Variants in LOXL3 observed in about 807,000 individuals in gnomAD.
LOXL3 encodes the protein lysyl oxidase like 3.
In LOXL3, 60 loss-of-function variants were observed where a neutral mutation model predicts 91.8. That is an observed-to-expected ratio of 0.65 (90% CI 0.53 to 0.81). The LOEUF (loss-of-function observed/expected upper bound fraction) is 0.81. LOXL3 is among the 30% of genes least tolerant of loss of function. The probability of loss-of-function intolerance (pLI) is 0.00; values close to 1 mark genes in which losing one functional copy is unlikely to be tolerated. For synonymous variants in LOXL3, 355 were observed against 387.6 expected (o/e 0.92, Z 0.99); for missense variants, 874 against 1,000.4 (o/e 0.87, Z 1.70).
At chr2:74,534,877 T>TTTTG (rs760334860) in intron 9 of LOXL3, 103 bp from the exon 10 acceptor site, 46 of 1,345,092 alleles carry the variant, frequency 3.4e-5, no homozygotes, top group East Asian at 9.3e-5. Context: ...TTGTTTTTGT[T>TTTTG]TTTGTTTGTT....
intron 4 of LOXL3, among the ~76,000 whole-genome samples, chr2:74,547,549 C>T (rs962609738): frequency 2.0e-5 from 3 of 151,980 alleles, no homozygotes; most frequent in African/African-American, 7.3e-5. Context: ...TTTGAGTGTC[C>T]AGGCCAGATA....
intron 1 of LOXL3, among the ~76,000 whole-genome samples, chr2:74,553,245 T>C (rs1199756800): frequency 6.6e-6 from 1 of 151,924 alleles, no homozygotes; most frequent in East Asian, 1.9e-4. Flanking sequence ...GGCCCTGGGA[T>C]CACAGATCCC....
intron 4 of LOXL3, among the ~76,000 whole-genome samples, chr2:74,539,222 G>A (rs527910069): frequency 3.5e-4 from 54 of 152,336 alleles, no homozygotes; most frequent in South Asian, 1.0e-3. Flanking sequence ...CATATGTGGC[G>A]CAGGAAAGGT....
At chr2:74,538,167 A>C (rs191227162) in intron 4 of LOXL3, among the ~76,000 whole-genome samples, 54 of 152,376 alleles carry the variant, frequency 3.5e-4, no homozygotes, top group Admixed American at 3.5e-3. Context: ...GGAGCCCATC[A>C]CAGGAAAAAT....
intron 4 of LOXL3, among the ~76,000 whole-genome samples, chr2:74,547,054 C>G (rs1340721437): frequency 6.6e-6 from 1 of 152,036 alleles, no homozygotes; most frequent in Non-Finnish European, 1.5e-5. Context: ...TGCTCTGCCA[C>G]CCAGGCAGTG....
Position 74,550,950 on chromosome 2 carries a change from T to C in LOXL3, c.314-602A>G, listed in dbSNP as rs1171849638. Among the ~76,000 whole-genome samples, 6 of 151,642 alleles carry C rather than the reference T, an allele frequency of 4.0e-5. No homozygotes were observed. The East Asian group carries it at 1.2e-3, about 29-fold the overall frequency. On this transcript the variant is annotated intron_variant, in intron 2 of 13. Transcript: ENST00000264094. ...CTGAAACCTGTTTTTTTTTTTTTTT[T>C]GAAACGAAGTCTTGCCCTGTTGCCT...
upstream of LOXL3, chr2:74,554,522 C>T: frequency 1.8e-6 from 1 of 571,292 alleles, no homozygotes; most frequent in Non-Finnish European, 3.1e-6. The surrounding 1 kb of genome is among the most constrained non-coding windows in gnomAD (Gnocchi z 4.9). Flanking sequence ...TTCGGTGGAG[C>T]CACTGGCGCG....
At position 74,536,108 on chromosome 2, in the gene LOXL3, T is replaced by C. The variant is rs1473059709; in HGVS notation, c.1136A>G (p.Gln379Arg). Residue 379 changes from glutamine (Q) to arginine (R), a missense_variant, in exon 7 of 14, where the codon CAG becomes CGG. By Grantham distance (43) the Gln-to-Arg change is conservative. Coordinates refer to ENST00000264094, the MANE Select transcript of LOXL3 (RefSeq NM_032603.5). The surrounding 1 kb of genome is among the most constrained non-coding windows in gnomAD (Gnocchi z 4.5). ...IHLSEVRCSG[Q>R]ELSLWKCPHK... ...GGGGCACTTCCAGAGGGAGAGCTCC[T>C]GTCCAGAGCAGCGAACTTCACTCAG... The C allele has an allele frequency of 1.2e-6, 2 of 1,614,018 alleles. No individual in the cohort carries two copies. The highest frequency in any genetic ancestry group is 1.7e-6 in the Non-Finnish European group (2 of 1,179,988).
At position 74,534,319 on chromosome 2, in the gene LOXL3, C is replaced by T. The variant is rs916087535; in HGVS notation, c.1936G>A (p.Glu646Lys). Residue 646 changes from glutamate (E) to lysine (K), a missense_variant, in exon 11 of 14, where the codon GAG (glutamate) becomes AAG (lysine). By Grantham distance (56) the Glu-to-Lys change is moderately conservative (BLOSUM62 1). Transcript: ENST00000264094. ...TTCACTTCAGTCCCCAACTCACCCT[C>T]CTGACACTCAGTGTCTTCGAGACAG... is the stretch of plus-strand genomic sequence containing the variant. ...SFCLEDTECQEDVSKRYECAN... is the reference protein window; with the variant it reads ...SFCLEDTECQKDVSKRYECAN... 2.5e-6 allele frequency: 4 copies of T among 1,614,262 alleles called. No homozygotes were observed. The highest frequency in any genetic ancestry group is 3.4e-6 in the Non-Finnish European group (4 of 1,180,036).
chr2:74,548,168 T>C (rs935203186), intron 4 of LOXL3, among the ~76,000 whole-genome samples: 1 of 152,236 alleles, frequency 6.6e-6, no homozygotes, highest in South Asian at 2.1e-4. Flanking sequence ...AAAGCTGCCA[T>C]GTCTGTTCAG....
Position 74,536,920 on chromosome 2 carries a change from G to A in LOXL3, c.701C>T (p.Ala234Val). The stretch of plus-strand genomic sequence containing the variant: ...ACCAAAGGAGTGTTGCTGCCGTTGG[G>A]CTAGCAGCCTAGGGGGACAGGAGTG... ...RVNAAFYRLL[A>V]QRQQHSFGLH... The change falls in exon 5 of 14, where the codon GCC becomes GTC. Residue 234 changes from alanine to valine, a missense_variant. Physicochemically the swap from Ala to Val is moderately conservative, Grantham distance 64 (BLOSUM62 0). Transcript: ENST00000264094. The surrounding 1 kb of genome is among the most constrained non-coding windows in gnomAD (Gnocchi z 4.5). 2 of 1,614,074 alleles carry A rather than the reference G, an allele frequency of 1.2e-6. No homozygotes were observed. The highest frequency in any genetic ancestry group is 8.5e-7 in the Non-Finnish European group (1 of 1,179,962).
Position 74,549,156 on chromosome 2 carries a change from G to T in LOXL3, c.692+213C>A. The T allele has an allele frequency of 2.2e-6, 1 of 453,236 alleles. No individual in the cohort carries two copies. The highest frequency in any genetic ancestry group is 3.7e-6 in the Non-Finnish European group (1 of 268,440). The allele number at this position is 453,236 out of a possible 1,614,324, so 28.1% of individuals were successfully genotyped here. On this transcript the variant is annotated intron_variant, in intron 4 of 13. Transcript: ENST00000264094. The surrounding 1 kb of genome is among the most constrained non-coding windows in gnomAD (Gnocchi z 5.3). The stretch of plus-strand genomic sequence containing the variant: ...TCGGCCACGAGAGAGCGGGAGCCTC[G>T]CTGGTCCCCATTTCAGGTACTCCCT...
upstream of LOXL3, chr2:74,555,416 C>A (rs746582326): frequency 1.2e-6 from 2 of 1,611,134 alleles, no homozygotes; most frequent in Non-Finnish European, 8.5e-7. This position sits in a 1 kb window ranked among gnomAD's most constrained non-coding sequence, Gnocchi z 6.1. Flanking sequence ...CCGTCCAGTG[C>A]AGCCTGGGTG....
At chr2:74,542,895 G>C (rs1483148416) in intron 4 of LOXL3, among the ~76,000 whole-genome samples, 6 of 152,124 alleles carry the variant, frequency 3.9e-5, no homozygotes, top group African/African-American at 1.2e-4. Flanking sequence ...AAAGTGCTGG[G>C]ATTACAGGTG....
Position 74,534,652 on chromosome 2 carries a change from C to T in LOXL3, c.1702G>A (p.Ala568Thr). The change falls in exon 10 of 14, where the codon GCC becomes ACC. Residue 568 changes from alanine to threonine, a missense_variant. Transcript: ENST00000264094. The stretch of plus-strand genomic sequence containing the variant: ...CGCCGGTGACCATAGGGCCAGTTGG[C>T]TGAGCGGGCTGAGCTGGCCAGGCAG... ...ENCLASSARS[A>T]NWPYGHRRLL... 6.2e-7 allele frequency: 1 copy of T among 1,614,204 alleles called. No homozygotes were observed. Among genetic ancestry groups the T allele is most frequent in the East Asian group, 2.2e-5 (1 of 44,882 alleles).
At chr2:74,541,566 G>A (rs1676323333) in intron 4 of LOXL3, among the ~76,000 whole-genome samples, 1 of 152,138 alleles carries the variant, frequency 6.6e-6, no homozygotes, top group African/African-American at 2.4e-5. Context: ...AATATGGTGT[G>A]AAATTTTTTC....
intron 4 of LOXL3, 132 bp from the exon 5 acceptor site, chr2:74,537,060 C>G: frequency 1.4e-6 from 1 of 726,472 alleles, no homozygotes; most frequent in Admixed American, 2.7e-5. Flanking sequence ...TCTTCTTCCC[C>G]CTTCCATGTT....
rs748016046 is a variant in LOXL3 at position 74,552,471 on chromosome 2, T to G, written c.164A>C (p.Glu55Ala). The change falls in exon 2 of 14, where the codon GAG (glutamate) becomes GCG (alanine). Residue 55 changes from glutamate (E) to alanine (A), a missense_variant. Physicochemically the swap from Glu to Ala is moderately radical, Grantham distance 107. Transcript: ENST00000264094. ...AGCTCGCTGTATCTCCACGCGGCCCTCGTAGGGCTTCCTGGGGAAGCCAGC... is the reference window on the plus strand; with the variant it reads ...AGCTCGCTGTATCTCCACGCGGCCCGCGTAGGGCTTCCTGGGGAAGCCAGC... ...RLAGFPRKPY[E>A]GRVEIQRAGE... The G allele has an allele frequency of 2.5e-6, 4 of 1,613,500 alleles. No individual in the cohort carries two copies. The East Asian group carries it at 8.9e-5, about 36-fold the overall frequency.
chr2:74,554,941 T>A, upstream of LOXL3: 1 of 1,501,236 alleles, frequency 6.7e-7, no homozygotes. The surrounding 1 kb of genome is among the most constrained non-coding windows in gnomAD (Gnocchi z 4.9). Context: ...GACTTTCCCG[T>A]GAAGTTGCTT....
Sources: gnomAD v4.1 joint callset for allele counts (sites outside exome capture counted in the v4.1 genomes callset) on GRCh38, gnomAD v4.1.1 for gene constraint, Gnocchi (gnomAD v3.1) non-coding constraint, MANE v1.5 for transcripts, NCBI Gene and HGNC (gene_info 2026-07-23, HGNC 2026-07-21) for gene names.